Variants in PDE7A observed in about 807,000 individuals in gnomAD.
PDE7A encodes the protein phosphodiesterase 7A, also known as high affinity 3',5'-cyclic-AMP phosphodiesterase 7A.
In PDE7A, 39 loss-of-function variants were observed where a neutral mutation model predicts 64.3. That is an observed-to-expected ratio of 0.61 (90% CI 0.47 to 0.79). The LOEUF is 0.79. Ranked by LOEUF, PDE7A falls within the 30% of genes least tolerant of loss-of-function variation. The probability of loss-of-function intolerance (pLI) is 0.00; values close to 1 mark genes in which losing one functional copy is unlikely to be tolerated. For missense variants in PDE7A, 470 were observed against 582.8 expected (o/e 0.81, Z 1.99); for synonymous variants, 203 against 206.8 (o/e 0.98, Z 0.16).
intron 3 of PDE7A, among the ~76,000 whole-genome samples, chr8:65,771,884 C>CAAAAAAAAAAAAAAAAAAA (rs36101490): frequency 3.6e-5 from 2 of 55,826 alleles, no homozygotes; most frequent in African/African-American, 5.5e-5. Flanking sequence ...CTCCATCTCT[C>CAAAAAAAAAAAAAAAAAAA]AAAAAAAAAA....
At chr8:65,753,984 G>A (rs1389820831) in intron 3 of PDE7A, among the ~76,000 whole-genome samples, 1 of 151,812 alleles carries the variant, frequency 6.6e-6, no homozygotes. Flanking sequence ...TTATATTAGG[G>A]TTCTCTAGAT....
At chr8:65,747,515 A>G in intron 4 of PDE7A, 137 bp downstream of exon 4, 1 of 504,176 alleles carries the variant, frequency 2.0e-6, no homozygotes, top group Non-Finnish European at 3.3e-6. Flanking sequence ...TGCTCTAAAG[A>G]AAAAAACCTG....
At chr8:65,739,361 A>G in intron 6 of PDE7A, 141 bp downstream of exon 6, 1 of 950,322 alleles carries the variant, frequency 1.1e-6, no homozygotes, top group Non-Finnish European at 1.4e-6. Context: ...CAAGAGCTAA[A>G]TAACTGTGTG....
In PDE7A at chr8:65,715,638, A is replaced by G. The variant is rs928882787; in HGVS notation, c.*3652T>C. 2.0e-5 allele frequency among the ~76,000 whole-genome samples: 3 copies of G among 148,786 alleles called. No homozygotes were observed. Among genetic ancestry groups the G allele is most frequent in the Non-Finnish European group, 4.5e-5 (3 of 67,038 alleles). On this transcript the variant is annotated 3_prime_UTR_variant, in exon 13 of 13. Coordinates refer to ENST00000401827, the MANE Select transcript of PDE7A (RefSeq NM_001242318.3). ...GGTGATCCACCCACCTCAGCCTCCC[A>G]AAGTGCTGGGATTACAGGTGTGAGC...
Position 65,717,199 on chromosome 8 carries a change from T to A in PDE7A, c.*2091A>T, listed in dbSNP as rs1434450243. 6.6e-6 allele frequency among the ~76,000 whole-genome samples: 1 copy of A among 152,230 alleles called. No homozygotes were observed. The highest frequency in any genetic ancestry group is 1.5e-5 in the Non-Finnish European group (1 of 68,040). ...TTCTGTTTCTATTGGACATCAACAC[T>A]CTTCTGTACAAATAATATGTTAATG... On this transcript the variant is annotated 3_prime_UTR_variant, in exon 13 of 13. Coordinates refer to ENST00000401827, the MANE Select transcript of PDE7A (RefSeq NM_001242318.3).
At chr8:65,799,088 G>A (rs148772990) in intron 1 of PDE7A, among the ~76,000 whole-genome samples, 2 of 152,252 alleles carry the variant, frequency 1.3e-5, no homozygotes, top group African/African-American at 4.8e-5. Flanking sequence ...TCTGGGGCAG[G>A]GGCTGGGGGG....
chr8:65,813,155 G>GT (rs1373422462), intron 1 of PDE7A, among the ~76,000 whole-genome samples: 5 of 152,174 alleles, frequency 3.3e-5, no homozygotes, highest in Non-Finnish European at 7.4e-5. Context: ...TAGTGAGAAT[G>GT]TAAGTTAGCA....
chr8:65,756,521 A>T (rs1255035917), intron 3 of PDE7A, among the ~76,000 whole-genome samples: 1 of 152,084 alleles, frequency 6.6e-6, no homozygotes, highest in Non-Finnish European at 1.5e-5. Context: ...CCCTGCTCAA[A>T]GGTTTCAACA....
chr8:65,740,186 G>A (rs1271141876), intron 5 of PDE7A, among the ~76,000 whole-genome samples: 2 of 147,924 alleles, frequency 1.4e-5, no homozygotes, highest in African/African-American at 4.9e-5. Context: ...TGGGGAGGGG[G>A]AATCACAAAA....
intron 6 of PDE7A, 123 bp downstream of exon 6, chr8:65,739,379 A>G (rs922622541): frequency 2.7e-6 from 3 of 1,106,960 alleles, no homozygotes; most frequent in African/African-American, 3.3e-5. Context: ...GTGTTGTTTT[A>G]AGCCACTAAT....
intron 1 of PDE7A, among the ~76,000 whole-genome samples, chr8:65,796,570 C>T (rs376027094): frequency 3.9e-5 from 6 of 152,008 alleles, no homozygotes; most frequent in African/African-American, 1.4e-4. Flanking sequence ...AAATGTAATT[C>T]AACATTAACA....
At chr8:65,746,320 G>A (rs1412526188) in intron 4 of PDE7A, among the ~76,000 whole-genome samples, 1 of 152,066 alleles carries the variant, frequency 6.6e-6, no homozygotes, top group Admixed American at 6.6e-5. Context: ...ATAGAGCTGG[G>A]ATCTTAAATT....
chr8:65,730,592 TGATGCCAAAAAGGTTGGC>T (rs1806840984), intron 7 of PDE7A, among the ~76,000 whole-genome samples: 1 of 152,142 alleles, frequency 6.6e-6, no homozygotes, highest in Non-Finnish European at 1.5e-5. Flanking sequence ...AACTGGTCCC[TGATGCCAAAAAGGTTGGC>T]GGCCACTGCT....
At chr8:65,821,844 A>T (rs902039792) in intron 1 of PDE7A, among the ~76,000 whole-genome samples, 1 of 152,240 alleles carries the variant, frequency 6.6e-6, no homozygotes, top group Admixed American at 6.5e-5. Flanking sequence ...TGAGTTAAAT[A>T]AAATTATTTT....
intron 3 of PDE7A, among the ~76,000 whole-genome samples, chr8:65,750,397 A>G (rs1331727271): frequency 1.3e-5 from 2 of 151,962 alleles, no homozygotes; most frequent in Non-Finnish European, 2.9e-5. Flanking sequence ...AAAGGTAACA[A>G]TTTTATTACT....
rs969137535 is a variant in PDE7A, at chr8:65,727,678, A to G, written c.697-377T>C. On this transcript the variant is annotated intron_variant, in intron 7 of 12. Coordinates refer to ENST00000401827, the MANE Select transcript of PDE7A (RefSeq NM_001242318.3). ...TTATTACTGTAGCCATTACTGAACA[A>G]AAGATCTAAAATTTTAAGGGTGTTT... 6.2e-5 allele frequency: 10 copies of G among 160,962 alleles called. No homozygotes were observed. The Admixed American group carries it at 6.3e-4, about 10-fold the overall frequency. 10.0% of individuals were successfully genotyped at this position (160,962 alleles called of 1,614,324 possible).
chr8:65,721,463 G>A (rs915418844), intron 12 of PDE7A, among the ~76,000 whole-genome samples: 6 of 152,110 alleles, frequency 3.9e-5, no homozygotes, highest in Non-Finnish European at 7.4e-5. Context: ...CATGAAGTGG[G>A]CAAACCATCT....
At position 65,802,146 on chromosome 8, in the gene PDE7A, G is replaced by A. The variant is rs145038990; in HGVS notation, c.139-19303C>T. Among the ~76,000 whole-genome samples the A allele has an allele frequency of 8.6e-3, 1,310 of 152,256 alleles. 12 individuals are homozygous for A. Among genetic ancestry groups the A allele is most frequent in the Non-Finnish European group, 0.013 (889 of 68,004 alleles). On this transcript the variant is annotated intron_variant, in intron 1 of 12. Coordinates refer to ENST00000401827, the MANE Select transcript of PDE7A (RefSeq NM_001242318.3). Reference sequence around the variant, plus strand: ...AATACTTTGTTCACAAACACAGAAAGTAGAATAGAGGTTGCCAGAGGCTGG... The same window carrying A: ...AATACTTTGTTCACAAACACAGAAAATAGAATAGAGGTTGCCAGAGGCTGG...
chr8:65,796,652 T>C (rs952599804), intron 1 of PDE7A, among the ~76,000 whole-genome samples: 2 of 152,160 alleles, frequency 1.3e-5, no homozygotes, highest in African/African-American at 4.8e-5. Context: ...ATAGTCATTA[T>C]GATAAACAAT....
Sources: gnomAD v4.1 joint callset for allele counts (sites outside exome capture counted in the v4.1 genomes callset) on GRCh38, gnomAD v4.1.1 for gene constraint, MANE v1.5 for transcripts, NCBI Gene and HGNC (gene_info 2026-07-23, HGNC 2026-07-21) for gene names.